The following CUX1 variants were observed in gnomAD, a reference collection of about 807,000 sequenced individuals.
The protein encoded by CUX1 is protein CASP.
In CUX1, 31 loss-of-function variants were observed where a neutral mutation model predicts 158.8. The ratio of observed to expected loss-of-function variants is 0.20; its 90% CI spans 0.15 to 0.26. The LOEUF (loss-of-function observed/expected upper bound fraction) is 0.26, where lower values mean the gene tolerates loss of function less well. CUX1 is among the 10% of genes least tolerant of loss of function. CUX1 has a pLI of 1.00. For missense variants in CUX1, 1,589 were observed against 2,014.6 expected, an observed-to-expected ratio of 0.79 and a Z score of 4.04; for synonymous variants, 879 against 862.1, an observed-to-expected ratio of 1.02 and a Z score of -0.34.
chr7:102,211,887 G>A (rs1554523265), intron 20 of CUX1, among the ~76,000 whole-genome samples: 2 of 151,812 alleles, frequency 1.3e-5, no homozygotes. Context: ...GAGGCAGGCC[G>A]CGCGGGAGCA....
chr7:101,893,894 A>G (rs1311735993), intron 1 of CUX1, among the ~76,000 whole-genome samples: 1 of 152,252 alleles, frequency 6.6e-6, no homozygotes, highest in East Asian at 1.9e-4. Context: ...ATACGGCATT[A>G]AAACACTTTT....
At chr7:101,927,925 G>T (rs1403661565) in intron 2 of CUX1, among the ~76,000 whole-genome samples, 1 of 152,178 alleles carries the variant, frequency 6.6e-6, no homozygotes, top group African/African-American at 2.4e-5. Flanking sequence ...TTTCCTTCCG[G>T]GAGCATCTCA....
Position 101,966,667 on chromosome 7 carries a change from G to C in CUX1, c.141+50442G>C, listed in dbSNP as rs753563902. 2.0e-5 allele frequency among the ~76,000 whole-genome samples: 3 copies of C among 152,182 alleles called. No individual in the cohort carries two copies. In the South Asian group the frequency reaches 6.2e-4, roughly 31 times the overall value. On this transcript the variant is annotated intron_variant, in intron 2 of 23. Coordinates refer to ENST00000292535, the MANE Select transcript of CUX1 (RefSeq NM_181552.4). ...TCATGTGGAGGGAAGGATAGAAAGA[G>C]CATGGCAGGGGGCCAGGTGCCCCGA...
intron 6 of CUX1, among the ~76,000 whole-genome samples, chr7:102,111,384 G>A (rs972302506): frequency 3.3e-5 from 5 of 152,066 alleles, no homozygotes; most frequent in Admixed American, 3.3e-4. Context: ...AGTGCATGAT[G>A]ATGATTTTTT....
chr7:101,873,178 C>CTTTT (rs35246188), intron 1 of CUX1, among the ~76,000 whole-genome samples: 2 of 119,672 alleles, frequency 1.7e-5, no homozygotes, highest in Non-Finnish European at 1.7e-5. Context: ...GCCTCAGCTT[C>CTTTT]TTTTTTTTTT....
chr7:101,936,593 A>G (rs1806971359), intron 2 of CUX1, among the ~76,000 whole-genome samples: 1 of 152,118 alleles, frequency 6.6e-6, no homozygotes, highest in South Asian at 2.1e-4. Context: ...GGGACAGAAG[A>G]GAGGAAAGCC....
intron 2 of CUX1, among the ~76,000 whole-genome samples, chr7:101,948,029 G>C (rs1402980929): frequency 1.3e-5 from 2 of 152,076 alleles, no homozygotes; most frequent in African/African-American, 4.8e-5. Flanking sequence ...TTATCTCTGC[G>C]TCACTGCCGA....
intron 13 of CUX1, among the ~76,000 whole-genome samples, chr7:102,195,204 G>A (rs1794666121): frequency 6.6e-6 from 1 of 152,118 alleles, no homozygotes; most frequent in Non-Finnish European, 1.5e-5. Context: ...GCCAAATGAG[G>A]CACGGGCTCA....
At chr7:102,130,816 G>T (rs772158333) in intron 8 of CUX1, among the ~76,000 whole-genome samples, 34 of 152,182 alleles carry the variant, frequency 2.2e-4, no homozygotes, top group Non-Finnish European at 4.0e-4. Flanking sequence ...GACGATGTGT[G>T]CTTCGAAGCA....
intron 4 of CUX1, among the ~76,000 whole-genome samples, chr7:102,078,625 G>T (rs1259918198): frequency 6.6e-6 from 1 of 152,198 alleles, no homozygotes; most frequent in Non-Finnish European, 1.5e-5. Context: ...ATCTTAGGAA[G>T]CACATTACCA....
intron 8 of CUX1, among the ~76,000 whole-genome samples, chr7:102,141,990 C>A (rs1177912935): frequency 6.6e-6 from 1 of 151,918 alleles, no homozygotes; most frequent in Non-Finnish European, 1.5e-5. Flanking sequence ...GGGAGAAAGT[C>A]ATTAGAAACC....
downstream of CUX1, among the ~76,000 whole-genome samples, chr7:102,262,834 C>A (rs938970233): frequency 6.6e-6 from 1 of 152,114 alleles, no homozygotes. Flanking sequence ...TAATACATAC[C>A]GAAGGCTGAC....
chr7:102,064,308 C>T (rs1468526009), intron 3 of CUX1, among the ~76,000 whole-genome samples: 1 of 152,126 alleles, frequency 6.6e-6, no homozygotes. Context: ...CCTTGGCCTC[C>T]CAAAGTGCTG....
intron 2 of CUX1, among the ~76,000 whole-genome samples, chr7:102,021,630 TTTTTTTG>T: frequency 6.7e-6 from 1 of 148,722 alleles, no homozygotes; most frequent in African/African-American, 2.5e-5. Flanking sequence ...TTTTTTTTTT[TTTTTTTG>T]GATGGAGTTT....
intron 3 of CUX1, among the ~76,000 whole-genome samples, chr7:102,048,213 C>G (rs1182364438): frequency 6.6e-6 from 1 of 152,136 alleles, no homozygotes; most frequent in East Asian, 1.9e-4. Context: ...AGCCTCTCCT[C>G]CCCTCCACCC....
chr7:102,202,658 G>C (rs1401614128), intron 18 of CUX1, among the ~76,000 whole-genome samples: 1 of 152,186 alleles, frequency 6.6e-6, no homozygotes, highest in Non-Finnish European at 1.5e-5. Flanking sequence ...CCACCAGTAC[G>C]CAGAGAGCCA....
At chr7:102,008,413 C>T (rs1307386579) in intron 2 of CUX1, among the ~76,000 whole-genome samples, 2 of 152,072 alleles carry the variant, frequency 1.3e-5, no homozygotes, top group African/African-American at 4.8e-5. Context: ...GTGCCCCCAG[C>T]CCAGCAAAGA....
At chr7:102,079,979 C>G (rs150934912) in intron 4 of CUX1, among the ~76,000 whole-genome samples, 1 of 152,168 alleles carries the variant, frequency 6.6e-6, no homozygotes, top group Non-Finnish European at 1.5e-5. Context: ...CTACCTTCCT[C>G]GGCCAGGTTC....
intron 2 of CUX1, among the ~76,000 whole-genome samples, chr7:102,004,834 C>T (rs796419172): frequency 1.3e-5 from 2 of 152,194 alleles, no homozygotes; most frequent in Non-Finnish European, 2.9e-5. Context: ...GGGGTCCACA[C>T]GCTTTCTCTA....
Sources: gnomAD v4.1 joint callset for allele counts (sites outside exome capture counted in the v4.1 genomes callset) on GRCh38, gnomAD v4.1.1 for gene constraint, MANE v1.5 for transcripts, NCBI Gene and HGNC (gene_info 2026-07-23, HGNC 2026-07-21) for gene names.